The following UBR3 variants were observed in gnomAD, a reference collection of about 807,000 sequenced individuals.
UBR3 encodes E3 ubiquitin-protein ligase UBR3.
Under a neutral mutation model 243.2 loss-of-function variants are expected in UBR3, and 85 were observed. That is an observed-to-expected ratio of 0.35 (90% CI 0.29 to 0.42). UBR3 has a LOEUF of 0.42. Ranked by LOEUF, UBR3 falls within the 10% of genes least tolerant of loss-of-function variation. The pLI is 1.00. For missense variants in UBR3, 1,686 were observed against 2,300.8 expected (o/e 0.73, Z 5.47); for synonymous variants, 748 against 799.8 (o/e 0.94, Z 1.09).
intron 24 of UBR3, among the ~76,000 whole-genome samples, chr2:169,981,708 C>A (rs1181356992): frequency 2.0e-5 from 3 of 151,926 alleles, no homozygotes; most frequent in African/African-American, 7.3e-5. Flanking sequence ...AATATATATT[C>A]ATTAATTCTA....
At chr2:170,027,115 G>A (rs1290163437) in intron 30 of UBR3, among the ~76,000 whole-genome samples, 1 of 151,742 alleles carries the variant, frequency 6.6e-6, no homozygotes, top group Middle Eastern at 3.2e-3. Flanking sequence ...TAACTAAGAG[G>A]TGGCAAATCT....
intron 4 of UBR3, among the ~76,000 whole-genome samples, chr2:169,877,937 A>G (rs1168479032): frequency 1.3e-5 from 2 of 152,246 alleles, no homozygotes; most frequent in Non-Finnish European, 2.9e-5. Flanking sequence ...TCAATATTTT[A>G]GTAAACTATG....
chr2:169,944,610 T>C (rs1271929311), intron 20 of UBR3, among the ~76,000 whole-genome samples: 1 of 152,136 alleles, frequency 6.6e-6, no homozygotes, highest in African/African-American at 2.4e-5. Context: ...AAAAATCAAT[T>C]TTAGTAAACC....
intron 1 of UBR3, among the ~76,000 whole-genome samples, chr2:169,841,223 C>T (rs913091428): frequency 2.0e-5 from 3 of 152,188 alleles, no homozygotes; most frequent in Non-Finnish European, 4.4e-5. Flanking sequence ...CTCATTGTCT[C>T]TCCTTGGATT....
rs1558998887 is a variant in UBR3, at chr2:169,836,057, A to ATT, written c.545+8006_545+8007insTT. ...TCTCTCTCTCTCTATATATATATAT[A>ATT]TATATATATATTTTTTTTTTTTTTT... On this transcript the variant is annotated intron_variant, in intron 1 of 38. Coordinates refer to ENST00000272793, the MANE Select transcript of UBR3 (RefSeq NM_172070.4). Among the ~76,000 whole-genome samples the ATT allele has an allele frequency of 1.4e-4, 6 of 41,824 alleles. 1 individual carries two copies. Among genetic ancestry groups the ATT allele is most frequent in the Admixed American group, 4.0e-4 (1 of 2,478 alleles). 27.4% of individuals were successfully genotyped at this position (41,824 alleles called of 152,430 possible).
chr2:170,073,274 C>T lies in UBR3; in HGVS notation c.5020-154C>T, dbSNP rs541514039. 4.0e-6 allele frequency: 3 copies of T among 741,898 alleles called. No individual in the cohort carries two copies. In the East Asian group the frequency reaches 8.2e-5, roughly 20 times the overall value. 46.0% of individuals were successfully genotyped at this position (741,898 alleles called of 1,614,324 possible). A position where few individuals can be genotyped will look rare whatever the true frequency, so the allele number is the denominator to read the frequency against. On this transcript the variant is annotated intron_variant, in intron 35 of 38. Coordinates refer to ENST00000272793, the MANE Select transcript of UBR3 (RefSeq NM_172070.4). ...ATATAACAGCTAGGAACCTTTTTCT[C>T]TCTTGTTTCTCTTACTCCCTTCACT...
chr2:169,865,029 T>C (rs1574075160), intron 1 of UBR3, among the ~76,000 whole-genome samples: 1 of 151,488 alleles, frequency 6.6e-6, no homozygotes, highest in African/African-American at 2.4e-5. Flanking sequence ...GAGGCTGTGG[T>C]GAGCCGAGAT....
chr2:169,970,819 TAGTCCTTTGGGTATATACCC>T (rs2088101668), intron 24 of UBR3, among the ~76,000 whole-genome samples: 1 of 145,812 alleles, frequency 6.9e-6, no homozygotes, highest in Non-Finnish European at 1.5e-5. Flanking sequence ...GCATGATTTA[TAGTCCTTTGGGTATATACCC>T]AGTAATGGGA....
rs562629792 is a variant in UBR3 at position 169,926,970 on chromosome 2, A to G, written c.2337A>G (p.Leu779=). 1 of 1,550,406 alleles carries G rather than the reference A, an allele frequency of 6.4e-7. No homozygotes were observed. The highest frequency in any genetic ancestry group is 2.4e-5 in the East Asian group (1 of 40,864). ...TTCTTTTGAGTCTTCGTTTACATTT[A>G]GGTAAAACTCACTGATACTAATACT... The part of the protein sequence containing the change: ...LVILLSLRLH[L]GMSDDEILRA... The change falls in exon 16 of 39, where the codon TTA becomes TTG. Residue 779 remains leucine, a splice_region_variant and synonymous_variant. Coordinates refer to ENST00000272793, the MANE Select transcript of UBR3 (RefSeq NM_172070.4).
intron 38 of UBR3, 122 bp from the exon 39 acceptor site, chr2:170,081,604 T>G: frequency 1.8e-6 from 1 of 557,632 alleles, no homozygotes; most frequent in East Asian, 3.3e-5. Flanking sequence ...ACAGGAGAAT[T>G]GCTTGAACCC....
intron 11 of UBR3, among the ~76,000 whole-genome samples, chr2:169,920,664 G>A (rs1052877235): frequency 6.6e-6 from 1 of 151,986 alleles, no homozygotes; most frequent in Admixed American, 6.6e-5. Flanking sequence ...TTTTATAGTT[G>A]CCTAACGTTA....
chr2:169,932,844 G>T, intron 18 of UBR3, 68 bp from the exon 19 acceptor site: 1 of 1,266,902 alleles, frequency 7.9e-7, no homozygotes, highest in Non-Finnish European at 1.1e-6. Context: ...CTTAACAAAT[G>T]TAATAAGTCA....
intron 19 of UBR3, 145 bp from the exon 20 acceptor site, chr2:169,942,348 A>G (rs1268393048): frequency 5.3e-6 from 4 of 747,736 alleles, no homozygotes; most frequent in Admixed American, 3.0e-5. Context: ...TAGAGAATAG[A>G]TACCTCTTTG....
chr2:169,832,219 T>G (rs2081962518), intron 1 of UBR3, among the ~76,000 whole-genome samples: 1 of 152,172 alleles, frequency 6.6e-6, no homozygotes, highest in South Asian at 2.1e-4. Context: ...GATTCATTTG[T>G]GGGATGAAAT....
At chr2:169,890,593 G>GTATATATATGTA (rs1559064540) in intron 5 of UBR3, among the ~76,000 whole-genome samples, 1 of 76,162 alleles carries the variant, frequency 1.3e-5, no homozygotes, top group African/African-American at 4.9e-5. Flanking sequence ...ATATATATAT[G>GTATATATATGTA]TATATATATG....
At chr2:170,077,837 T>C in intron 36 of UBR3, 1 of 305,544 alleles carries the variant, frequency 3.3e-6, no homozygotes, top group Non-Finnish European at 6.1e-6. Context: ...CTGCCTACCT[T>C]GGCCTCCCAA....
intron 9 of UBR3, 46 bp downstream of exon 9, chr2:169,905,339 TA>T: frequency 7.4e-7 from 1 of 1,348,790 alleles, no homozygotes; most frequent in Non-Finnish European, 9.7e-7. Context: ...ACAAAATTCC[TA>T]ATGCTAAATT....
At chr2:169,851,170 G>A (rs2082643959) in intron 1 of UBR3, among the ~76,000 whole-genome samples, 1 of 152,086 alleles carries the variant, frequency 6.6e-6, no homozygotes, top group African/African-American at 2.4e-5. Flanking sequence ...TGTTGCACAG[G>A]CTACAGTGCA....
intron 30 of UBR3, among the ~76,000 whole-genome samples, chr2:170,018,076 G>A (rs2090296500): frequency 1.3e-5 from 2 of 152,056 alleles, no homozygotes; most frequent in African/African-American, 2.4e-5. Flanking sequence ...GCCCTTAAGT[G>A]TCCCAAAGGA....
Sources: allele counts gnomAD v4.1 joint callset (sites outside exome capture counted in the v4.1 genomes callset), GRCh38; gene constraint gnomAD v4.1.1; transcripts MANE v1.5; gene names NCBI Gene and HGNC (gene_info 2026-07-23, HGNC 2026-07-21).